CFI: variants seen among roughly 807,000 people sequenced by gnomAD.
CFI encodes the protein complement factor I, also known as C3B/C4B inactivator.
In CFI, 66 loss-of-function variants were observed where a neutral mutation model predicts 78.8. The ratio of observed to expected loss-of-function variants is 0.84; its 90% CI spans 0.69 to 1.03. The LOEUF is 1.03. Ranked by LOEUF, CFI falls within the 50% of genes least tolerant of loss-of-function variation. CFI has a pLI of 0.00. For synonymous variants in CFI, 250 were observed against 232.6 expected (o/e 1.07, Z -0.68); for missense variants, 706 against 704.5 (o/e 1.00, Z -0.02).
chr4:109,766,214 T>C (rs1030840542), intron 2 of CFI, among the ~76,000 whole-genome samples: 9 of 152,142 alleles, frequency 5.9e-5, no homozygotes, highest in Non-Finnish European at 1.2e-4. Flanking sequence ...ACTGGAAGAC[T>C]TTTCACTGGG....
chr4:109,743,961 G>C (rs745680066), intron 11 of CFI, among the ~76,000 whole-genome samples: 16 of 151,686 alleles, frequency 1.1e-4, no homozygotes, highest in Non-Finnish European at 1.5e-4. Context: ...GTTTAGCCTG[G>C]ACAACAGAGC....
intron 7 of CFI, among the ~76,000 whole-genome samples, chr4:109,756,973 G>GAAAT (rs1214168747): frequency 1.0e-4 from 14 of 138,682 alleles, no homozygotes; most frequent in Non-Finnish European, 1.6e-4. Context: ...AAGAAAGAAA[G>GAAAT]AAAGAAATTC....
chr4:109,757,893 T>C, intron 6 of CFI, 110 bp from the exon 7 acceptor site: 2 of 1,361,706 alleles, frequency 1.5e-6, no homozygotes, highest in African/African-American at 1.5e-5. Context: ...CTTATTTCTG[T>C]TTTCTTCGGT....
intron 1 of CFI, among the ~76,000 whole-genome samples, chr4:109,790,455 T>C (rs1293129757): frequency 6.6e-6 from 1 of 152,102 alleles, no homozygotes; most frequent in Non-Finnish European, 1.5e-5. Flanking sequence ...CAGGGTTTGT[T>C]TTATAGGTAA....
chr4:109,757,098 G>C (rs541575218), intron 7 of CFI, among the ~76,000 whole-genome samples: 2 of 151,674 alleles, frequency 1.3e-5, no homozygotes, highest in African/African-American at 4.8e-5. Flanking sequence ...ACGCGGTCTC[G>C]GCTCACTGCA....
At chr4:109,798,730 C>A (rs143462627) in intron 1 of CFI, among the ~76,000 whole-genome samples, 1 of 151,512 alleles carries the variant, frequency 6.6e-6, no homozygotes, top group East Asian at 1.9e-4. Context: ...GTTTTGGTTG[C>A]TTGGGGTTTG....
At position 109,752,450 on chromosome 4, in the gene CFI, A is replaced by T. The variant is rs1561291274; in HGVS notation, c.940+18T>A. On this transcript the variant is annotated intron_variant, in intron 8 of 12. Transcript: ENST00000394634. ...TAAACCAGTGAGCCACCAATAAAAA[A>T]GTATAACGTTAGCTTACCTGCATCC... 6.2e-7 allele frequency: 1 copy of T among 1,612,916 alleles called. No homozygotes were observed. The highest frequency in any genetic ancestry group is 8.5e-7 in the Non-Finnish European group (1 of 1,179,170).
chr4:109,761,618 C>G lies in CFI; in HGVS notation c.557G>C (p.Cys186Ser). The change falls in exon 4 of 13, where the codon TGC becomes TCC. Residue 186 changes from cysteine (C) to serine (S), a missense_variant. Coordinates refer to ENST00000394634, the MANE Select transcript of CFI (RefSeq NM_000204.5). Reference sequence around the variant, plus strand: ...AGCCAAACTGGTCTCTAATCCTCGGCAATGCACATGTAGACATTCAGTGGA... The same window carrying G: ...AGCCAAACTGGTCTCTAATCCTCGGGAATGCACATGTAGACATTCAGTGGA... Reference protein sequence around the residue: ...INSTECLHVHCRGLETSLAEC... With the variant: ...INSTECLHVHSRGLETSLAEC... 1 of 1,613,830 alleles carries G rather than the reference C, an allele frequency of 6.2e-7. No individual in the cohort carries two copies.
At chr4:109,752,892 TA>T (rs940754742) in intron 7 of CFI, among the ~76,000 whole-genome samples, 3 of 129,354 alleles carry the variant, frequency 2.3e-5, no homozygotes, top group Non-Finnish European at 3.1e-5. Context: ...ATATAATATA[TA>T]TTTATTATAT....
chr4:109,761,502 A>G lies in CFI; in HGVS notation c.658+15T>C. On this transcript the variant is annotated intron_variant, in intron 4 of 12. Transcript: ENST00000394634. ...CTTCAAGGAAGGGAAAATAACAGGCAAATACTCCACCAACCTGCTTTCTGT... is the reference window on the plus strand; with the variant it reads ...CTTCAAGGAAGGGAAAATAACAGGCGAATACTCCACCAACCTGCTTTCTGT... 9.9e-6 allele frequency: 16 copies of G among 1,613,576 alleles called. No homozygotes were observed. The highest frequency in any genetic ancestry group is 1.4e-5 in the Non-Finnish European group (16 of 1,179,544).
intron 1 of CFI, among the ~76,000 whole-genome samples, chr4:109,773,864 C>T (rs759895124): frequency 2.0e-5 from 3 of 152,168 alleles, no homozygotes; most frequent in African/African-American, 2.4e-5. Context: ...CCTTCTTAAT[C>T]GGAATCTCTG....
intron 3 of CFI, 188 bp from the exon 4 acceptor site, chr4:109,761,880 T>C (rs1346350098): frequency 5.1e-6 from 3 of 585,014 alleles, no homozygotes; most frequent in Non-Finnish European, 9.1e-6. Flanking sequence ...ACTACCTCAC[T>C]GGGTTTTGTA....
chr4:109,756,443 G>A (rs1425088769), intron 7 of CFI, among the ~76,000 whole-genome samples: 1 of 96,282 alleles, frequency 1.0e-5, no homozygotes, highest in Non-Finnish European at 2.5e-5. Context: ...GAGGAAGAAG[G>A]AGGAGGAGGA....
intron 1 of CFI, among the ~76,000 whole-genome samples, chr4:109,781,065 GC>G (rs1729954826): frequency 6.6e-6 from 1 of 152,180 alleles, no homozygotes; most frequent in Admixed American, 6.5e-5. Context: ...GTTAACGTGT[GC>G]AGCACACCAA....
At position 109,778,546 on chromosome 4, in the gene CFI, A is replaced by G. The variant is rs551605166; in HGVS notation, c.58-11722T>C. ...GACAGATTCACAGCCAAATTCTACC[A>G]GAGGTACAAAGAAGAGCTGGTACCA... On this transcript the variant is annotated intron_variant, in intron 1 of 12. Coordinates refer to ENST00000394634, the MANE Select transcript of CFI (RefSeq NM_000204.5). Among the ~76,000 whole-genome samples the G allele has an allele frequency of 2.7e-4, 41 of 152,356 alleles. No homozygotes were observed. In the East Asian group the frequency reaches 6.7e-3, roughly 25 times the overall value.
chr4:109,784,773 T>C, intron 1 of CFI, among the ~76,000 whole-genome samples: 1 of 152,114 alleles, frequency 6.6e-6, no homozygotes, highest in African/African-American at 2.4e-5. Flanking sequence ...AACCTCCTCC[T>C]ATGTATTTAC....
At position 109,793,146 on chromosome 4, in the gene CFI, T is replaced by G. The variant is rs1176241004; in HGVS notation, c.57+8769A>C. 4.6e-5 allele frequency among the ~76,000 whole-genome samples: 7 copies of G among 152,348 alleles called. No individual in the cohort carries two copies. The South Asian group carries it at 1.2e-3, about 27-fold the overall frequency. ...GTATATTTTTTAGATATTTTCTTTT[T>G]CGGTACTATGGAGATTACAATTAAT... is the stretch of plus-strand genomic sequence containing the variant. On this transcript the variant is annotated intron_variant, in intron 1 of 12. Transcript: ENST00000394634.
At chr4:109,747,964 T>C (rs1184740478) in intron 10 of CFI, among the ~76,000 whole-genome samples, 1 of 152,074 alleles carries the variant, frequency 6.6e-6, no homozygotes, top group Non-Finnish European at 1.5e-5. Context: ...GGAGCTCAGG[T>C]GGTAATGCTC....
At chr4:109,746,770 G>C (rs182501417) in intron 10 of CFI, among the ~76,000 whole-genome samples, 18 of 152,274 alleles carry the variant, frequency 1.2e-4, no homozygotes. Context: ...CCCAAAAGTG[G>C]AATGAGTTTG....
Sources: allele counts gnomAD v4.1 joint callset (sites outside exome capture counted in the v4.1 genomes callset), GRCh38; gene constraint gnomAD v4.1.1; transcripts MANE v1.5; gene names NCBI Gene and HGNC (gene_info 2026-07-23, HGNC 2026-07-21).